Variants in RSBN1L observed in about 807,000 individuals in gnomAD.
RSBN1L encodes lysine-specific demethylase RSBN1L.
Under a neutral mutation model 67.7 loss-of-function variants are expected in RSBN1L, and 30 were observed. The observed-to-expected ratio is 0.44, with a 90% CI of 0.33 to 0.60. RSBN1L has a LOEUF of 0.60. RSBN1L is among the 20% of genes least tolerant of loss of function. The pLI, the probability that RSBN1L is intolerant of heterozygous loss-of-function variation, is 0.02. For synonymous variants in RSBN1L, 433 were observed against 387.0 expected (o/e 1.12, Z -1.39); for missense variants, 992 against 1,031.7 (o/e 0.96, Z 0.53).
chr7:77,702,525 C>G (rs1043322960), intron 1 of RSBN1L, among the ~76,000 whole-genome samples: 2 of 152,042 alleles, frequency 1.3e-5, no homozygotes, highest in Admixed American at 1.3e-4. Flanking sequence ...GACTAATGGA[C>G]TGCTGTGTTT....
At chr7:77,754,835 C>T (rs1179235591) in intron 3 of RSBN1L, among the ~76,000 whole-genome samples, 1 of 152,132 alleles carries the variant, frequency 6.6e-6, no homozygotes, top group Admixed American at 6.6e-5. Flanking sequence ...CAGCACTGCA[C>T]TCCAGCCTGG....
At chr7:77,714,958 C>CAAAA (rs35501995) in intron 1 of RSBN1L, among the ~76,000 whole-genome samples, 1 of 91,500 alleles carries the variant, frequency 1.1e-5, no homozygotes, top group Non-Finnish European at 2.2e-5. Context: ...GACTCCATCT[C>CAAAA]AAAAAAAAAA....
At chr7:77,704,039 A>G (rs991818844) in intron 1 of RSBN1L, among the ~76,000 whole-genome samples, 9 of 152,216 alleles carry the variant, frequency 5.9e-5, no homozygotes, top group African/African-American at 2.2e-4. Context: ...TGAACATGGT[A>G]TATTGTAGAA....
At chr7:77,762,096 T>C (rs753678018) in intron 3 of RSBN1L, among the ~76,000 whole-genome samples, 5 of 152,228 alleles carry the variant, frequency 3.3e-5, no homozygotes, top group Admixed American at 6.5e-5. Flanking sequence ...GAGAGACTTA[T>C]ACTTTTGTTA....
chr7:77,731,905 C>A (rs1005458189), intron 1 of RSBN1L, among the ~76,000 whole-genome samples: 1 of 151,706 alleles, frequency 6.6e-6, no homozygotes, highest in African/African-American at 2.4e-5. Context: ...GGAAAGACTT[C>A]TATCTCCATC....
intron 1 of RSBN1L, among the ~76,000 whole-genome samples, chr7:77,701,161 AAAAAAAAAACAACAAC>A (rs1790811861): frequency 8.7e-6 from 1 of 114,526 alleles, no homozygotes; most frequent in Non-Finnish European, 1.8e-5. Context: ...CAAAAAAAAA[AAAAAAAAAACAACAAC>A]AACAACAACA....
At chr7:77,746,732 A>G (rs188204540) in intron 2 of RSBN1L, among the ~76,000 whole-genome samples, 7 of 152,188 alleles carry the variant, frequency 4.6e-5, no homozygotes, top group African/African-American at 1.7e-4. Flanking sequence ...GTTACTTCCA[A>G]CATAGAGGGG....
chr7:77,747,020 C>G lies in RSBN1L; in HGVS notation c.704-2404C>G, dbSNP rs369494950. Among the ~76,000 whole-genome samples the G allele has an allele frequency of 6.6e-5, 10 of 152,286 alleles. No individual in the cohort carries two copies. In the East Asian group the frequency reaches 7.7e-4, roughly 12 times the overall value. ...TGGTATTGAGGGCTTGAGGCTTTTT[C>G]AAGTGCGTGGTGCAAGCTTTTGGTG... On this transcript the variant is annotated intron_variant, in intron 2 of 7. Coordinates refer to ENST00000334955, the MANE Select transcript of RSBN1L (RefSeq NM_198467.3).
chr7:77,699,206 C>T (rs1057501867), intron 1 of RSBN1L, among the ~76,000 whole-genome samples: 2 of 152,118 alleles, frequency 1.3e-5, no homozygotes, highest in Non-Finnish European at 2.9e-5. Flanking sequence ...TCAGTAACCC[C>T]TCAATTATCC....
intron 1 of RSBN1L, among the ~76,000 whole-genome samples, chr7:77,707,474 T>G (rs1350728143): frequency 6.6e-6 from 1 of 152,214 alleles, no homozygotes; most frequent in Non-Finnish European, 1.5e-5. Flanking sequence ...TTGCATTGCA[T>G]ATTTAAGTAG....
chr7:77,769,763 A>G (rs1791821240), intron 5 of RSBN1L, among the ~76,000 whole-genome samples: 2 of 152,126 alleles, frequency 1.3e-5, no homozygotes, highest in South Asian at 4.1e-4. Flanking sequence ...TAAAAGAACT[A>G]TGAGATATTT....
chr7:77,729,115 T>C (rs1201191123), intron 1 of RSBN1L, among the ~76,000 whole-genome samples: 1 of 152,228 alleles, frequency 6.6e-6, no homozygotes, highest in Non-Finnish European at 1.5e-5. Flanking sequence ...CCGCTTCTTT[T>C]ATAGTCTTCT....
intron 1 of RSBN1L, among the ~76,000 whole-genome samples, chr7:77,727,278 G>T (rs1791216912): frequency 6.6e-6 from 1 of 151,932 alleles, no homozygotes; most frequent in South Asian, 2.1e-4. Context: ...GTACAGACGG[G>T]GTTTCTCCAT....
In RSBN1L at chr7:77,696,773, A is replaced by C; in HGVS notation, c.304A>C (p.Ser102Arg). The C allele has an allele frequency of 6.2e-7, 1 of 1,613,716 alleles. No individual in the cohort carries two copies. Among genetic ancestry groups the C allele is most frequent in the Non-Finnish European group, 8.5e-7 (1 of 1,180,008 alleles). Residue 102 changes from serine to arginine, a missense_variant, in exon 1 of 8, where the codon AGC becomes CGC. Around this residue, in one of 7 missense-constraint regions of RSBN1L, gnomAD observed 575 missense variants for 483.2 expected, o/e 1.19. Transcript: ENST00000334955. ...SAAPSPSSSR[S>R]SFSFSAGTAV... is the part of the protein sequence containing the mutation. The stretch of plus-strand genomic sequence containing the variant: ...TGCTCCCTCCCCGTCCTCTTCTCGG[A>C]GCAGTTTCTCTTTCTCCGCTGGCAC...
At chr7:77,725,795 G>C (rs552455552) in intron 1 of RSBN1L, among the ~76,000 whole-genome samples, 23 of 151,166 alleles carry the variant, frequency 1.5e-4, no homozygotes, top group Non-Finnish European at 7.4e-5. Flanking sequence ...TCTCCATGTT[G>C]GTCAGGTTGG....
intron 1 of RSBN1L, among the ~76,000 whole-genome samples, chr7:77,713,608 G>T (rs1460778624): frequency 6.7e-6 from 1 of 150,072 alleles, no homozygotes; most frequent in African/African-American, 2.5e-5. Flanking sequence ...CACCCACCTT[G>T]GCCTCCCAAA....
At chr7:77,773,415 C>A in intron 6 of RSBN1L, 101 bp downstream of exon 6, 1 of 770,364 alleles carries the variant, frequency 1.3e-6, no homozygotes, top group Non-Finnish European at 1.9e-6. Flanking sequence ...AAAAAAGTTT[C>A]ATTTTTTACC....
intron 3 of RSBN1L, among the ~76,000 whole-genome samples, chr7:77,753,011 T>C (rs1420193595): frequency 6.6e-6 from 1 of 152,252 alleles, no homozygotes; most frequent in East Asian, 1.9e-4. Flanking sequence ...TGTGTTAGTA[T>C]ACCAGTGTTA....
At chr7:77,721,740 A>G (rs970907291) in intron 1 of RSBN1L, among the ~76,000 whole-genome samples, 3 of 152,224 alleles carry the variant, frequency 2.0e-5, no homozygotes, top group African/African-American at 7.2e-5. Context: ...AAAGAAGGTG[A>G]GTCTTAACTG....
Sources: gnomAD v4.1 joint callset for allele counts (sites outside exome capture counted in the v4.1 genomes callset) on GRCh38, gnomAD v4.1.1 for gene constraint, gnomAD v4.1.1 regional missense constraint, MANE v1.5 for transcripts, NCBI Gene and HGNC (gene_info 2026-07-23, HGNC 2026-07-21) for gene names.